MACROD2: variants seen among roughly 807,000 people sequenced by gnomAD.
The protein encoded by MACROD2 is mono-ADP ribosylhydrolase 2, also known as ADP-ribose glycohydrolase MACROD2.
A neutral mutation model predicts 70.4 loss-of-function variants in MACROD2; 36 were observed. The ratio of observed to expected loss-of-function variants is 0.51; its 90% confidence interval spans 0.39 to 0.68. The LOEUF (loss-of-function observed/expected upper bound fraction) is 0.68. MACROD2 is among the 30% of genes least tolerant of loss of function. The probability of loss-of-function intolerance (pLI) is 0.00; values close to 1 mark genes in which losing one functional copy is unlikely to be tolerated. For synonymous variants in MACROD2, 172 were observed against 178.8 expected, an observed-to-expected ratio of 0.96 and a Z score of 0.30; for missense variants, 496 against 538.4, an observed-to-expected ratio of 0.92 and a Z score of 0.78.
At chr20:14,443,299 CTT>C (rs34612697) in intron 3 of MACROD2, among the ~76,000 whole-genome samples, 14 of 135,978 alleles carry the variant, frequency 1.0e-4, no homozygotes, top group Admixed American at 1.5e-4. Flanking sequence ...ATTACCTATG[CTT>C]TTTTTTTTTT....
chr20:15,684,648 A>G (rs915774331), intron 8 of MACROD2, among the ~76,000 whole-genome samples: 1 of 152,248 alleles, frequency 6.6e-6, no homozygotes, highest in African/African-American at 2.4e-5. Context: ...GATTATAGAT[A>G]GGAAATTTCC....
At chr20:14,873,237 T>C (rs2073510094) in intron 5 of MACROD2, among the ~76,000 whole-genome samples, 1 of 152,178 alleles carries the variant, frequency 6.6e-6, no homozygotes, top group Admixed American at 6.6e-5. Context: ...TATTGAGTCT[T>C]CCTGGTATTA....
chr20:15,710,960 T>A lies in MACROD2; in HGVS notation c.646-151785T>A, dbSNP rs558496459. ...AGTCATTTTATTTATCTTCGCTGTTTCCTTCCGCAGCCCTTTATAGAAACA... is the reference window on the plus strand; with the variant it reads ...AGTCATTTTATTTATCTTCGCTGTTACCTTCCGCAGCCCTTTATAGAAACA... On this transcript the variant is annotated intron_variant, in intron 8 of 17. Coordinates refer to ENST00000684519, the MANE Select transcript of MACROD2 (RefSeq NM_001351661.2). Among the ~76,000 whole-genome samples, 363 of 152,338 alleles carry A rather than the reference T, an allele frequency of 2.4e-3. 1 individual carries two copies. Among genetic ancestry groups the A allele is most frequent in the African/African-American group, 7.9e-3 (330 of 41,584 alleles).
chr20:15,287,938 A>G (rs2077506334), intron 6 of MACROD2, among the ~76,000 whole-genome samples: 2 of 152,256 alleles, frequency 1.3e-5, no homozygotes, highest in Non-Finnish European at 2.9e-5. Flanking sequence ...TTGTAGGGAA[A>G]TAAAAGATCA....
At chr20:14,497,359 G>T (rs1215130647) in intron 4 of MACROD2, among the ~76,000 whole-genome samples, 1 of 151,688 alleles carries the variant, frequency 6.6e-6, no homozygotes, top group Non-Finnish European at 1.5e-5. Flanking sequence ...CATGCACAAG[G>T]TCCTGTGATG....
chr20:15,849,018 C>T lies in MACROD2; in HGVS notation c.646-13727C>T, dbSNP rs188239187. 7.9e-4 allele frequency among the ~76,000 whole-genome samples: 121 copies of T among 152,212 alleles called. 1 individual carries two copies. Among genetic ancestry groups the T allele is most frequent in the South Asian group, 1.5e-3 (7 of 4,816 alleles). ...GCTACAAGTTCATAAAGATATAAAG[C>T]GACAATCAAAGGTTTGGAACAGCTC... On this transcript the variant is annotated intron_variant, in intron 8 of 17. Transcript: ENST00000684519.
intron 5 of MACROD2, among the ~76,000 whole-genome samples, chr20:15,091,874 T>G (rs1209040338): frequency 6.6e-6 from 1 of 152,192 alleles, no homozygotes; most frequent in Non-Finnish European, 1.5e-5. Flanking sequence ...TACACAGTGC[T>G]TTATTAAGTC....
chr20:15,606,895 G>A (rs1207426844), intron 8 of MACROD2, among the ~76,000 whole-genome samples: 2 of 151,940 alleles, frequency 1.3e-5, no homozygotes, highest in African/African-American at 4.8e-5. Context: ...CCAGCTACTC[G>A]GGAGGCTGAG....
At chr20:16,021,065 T>C (rs1256874722) in intron 15 of MACROD2, among the ~76,000 whole-genome samples, 1 of 152,188 alleles carries the variant, frequency 6.6e-6, no homozygotes, top group Non-Finnish European at 1.5e-5. Flanking sequence ...CTGTCAATGC[T>C]TCTGCCATGA....
intron 5 of MACROD2, among the ~76,000 whole-genome samples, chr20:15,164,739 T>C (rs568506521): frequency 1.3e-5 from 2 of 151,998 alleles, no homozygotes; most frequent in South Asian, 2.1e-4. Context: ...CTACAAAAAA[T>C]AATTTAAAAA....
rs549632023 is a variant in MACROD2 at position 15,661,974 on chromosome 20, A to C, written c.645+162127A>C. On this transcript the variant is annotated intron_variant, in intron 8 of 17. Transcript: ENST00000684519. ...CACCTTTCTAGATTTACCTTTTCCA[A>C]TTTTCTCTTATATCCTCAGGGACCT... Among the ~76,000 whole-genome samples the C allele has an allele frequency of 7.2e-5, 11 of 151,994 alleles. No homozygotes were observed. In the East Asian group the frequency reaches 2.1e-3, roughly 29 times the overall value.
chr20:14,659,478 G>T (rs1986126060), intron 4 of MACROD2, among the ~76,000 whole-genome samples: 1 of 152,148 alleles, frequency 6.6e-6, no homozygotes, highest in Admixed American at 6.6e-5. Flanking sequence ...CCAGACAGTT[G>T]CTTGGTTCCT....
chr20:15,203,947 T>C (rs970623715), intron 5 of MACROD2, among the ~76,000 whole-genome samples: 1 of 152,104 alleles, frequency 6.6e-6, no homozygotes, highest in Non-Finnish European at 1.5e-5. Context: ...GTGACTACGT[T>C]TGTGTGTATG....
At chr20:15,330,149 A>G (rs1016368049) in intron 6 of MACROD2, among the ~76,000 whole-genome samples, 2 of 152,088 alleles carry the variant, frequency 1.3e-5, no homozygotes, top group Admixed American at 6.6e-5. Flanking sequence ...TCATTTTCTC[A>G]TGAAGTCTCC....
intron 7 of MACROD2, among the ~76,000 whole-genome samples, chr20:15,462,688 G>T (rs1813364761): frequency 6.6e-6 from 1 of 152,120 alleles, no homozygotes; most frequent in African/African-American, 2.4e-5. Context: ...TTTAGCTTCA[G>T]GTTTGGTAAA....
In MACROD2 at chr20:15,131,185, C is replaced by T. The variant is rs142646765; in HGVS notation, c.419-98755C>T. Among the ~76,000 whole-genome samples the T allele has an allele frequency of 3.2e-3, 480 of 152,148 alleles. 12 individuals are homozygous for T. Among genetic ancestry groups the T allele is most frequent in the Non-Finnish European group, 3.1e-4 (21 of 67,984 alleles). On this transcript the variant is annotated intron_variant, in intron 5 of 17. Coordinates refer to ENST00000684519, the MANE Select transcript of MACROD2 (RefSeq NM_001351661.2). ...ACCTGCCCAAGTTTATCATGGTTGA[C>T]ATGGAGACTAATAACAGGCAAATTA... is the stretch of plus-strand genomic sequence containing the variant.
At chr20:14,381,722 C>A (rs1039620321) in intron 3 of MACROD2, among the ~76,000 whole-genome samples, 3 of 152,150 alleles carry the variant, frequency 2.0e-5, no homozygotes, top group Non-Finnish European at 4.4e-5. Flanking sequence ...AGAACAGATT[C>A]TTTGTCTCTA....
chr20:14,627,157 A>C (rs776865862), intron 4 of MACROD2: 8 of 152,234 alleles, frequency 5.3e-5, no homozygotes, highest in Non-Finnish European at 1.0e-4. Flanking sequence ...GAGTGGCCTG[A>C]GGAGTGAACT....
At chr20:14,647,879 A>G (rs80106588) in intron 4 of MACROD2, among the ~76,000 whole-genome samples, 2,985 of 152,078 alleles carry the variant, frequency 0.02, 102 homozygotes, top group African/African-American at 0.068. Flanking sequence ...TACTCTTCTC[A>G]TAAGAGGGCA....
Sources: allele counts gnomAD v4.1 joint callset (sites outside exome capture counted in the v4.1 genomes callset), GRCh38; gene constraint gnomAD v4.1.1; transcripts MANE v1.5; gene names NCBI Gene and HGNC (gene_info 2026-07-23, HGNC 2026-07-21).